The following UBAP2 variants were observed in gnomAD, a reference collection of about 807,000 sequenced individuals.
UBAP2 encodes ubiquitin-associated protein 2.
A neutral mutation model predicts 139.6 loss-of-function variants in UBAP2; 75 were observed. That is an observed-to-expected ratio of 0.54 (90% CI 0.45 to 0.65). The LOEUF is 0.65. Among genes scored for constraint, UBAP2 ranks in the 30% least tolerant of loss-of-function variants. UBAP2 has a pLI of 0.00. For missense variants in UBAP2, 1,368 were observed against 1,369.6 expected, an observed-to-expected ratio of 1.00 and a Z score of 0.02; for synonymous variants, 526 against 526.2, an observed-to-expected ratio of 1.00 and a Z score of 0.01.
intron 1 of UBAP2, among the ~76,000 whole-genome samples, chr9:34,021,196 C>A (rs1299332166): frequency 2.0e-5 from 3 of 152,142 alleles, no homozygotes; most frequent in Admixed American, 2.0e-4. Context: ...CAGAAAAGGT[C>A]TGACAAGCAT....
intron 1 of UBAP2, among the ~76,000 whole-genome samples, chr9:34,028,892 T>C (rs1266662497): frequency 6.6e-6 from 1 of 152,006 alleles, no homozygotes; most frequent in Non-Finnish European, 1.5e-5. Context: ...AATTAGGAAC[T>C]GGGCCGCACA....
intron 8 of UBAP2, among the ~76,000 whole-genome samples, chr9:33,965,595 T>G (rs566472857): frequency 6.6e-6 from 1 of 152,242 alleles, no homozygotes; most frequent in Admixed American, 6.5e-5. Context: ...AAGTGTAACC[T>G]TGGAGGGTAA....
intron 1 of UBAP2, among the ~76,000 whole-genome samples, chr9:34,018,547 G>C (rs762584274): frequency 6.6e-6 from 1 of 152,100 alleles, no homozygotes; most frequent in Admixed American, 6.6e-5. Context: ...GTCTCAAAGA[G>C]ATGCTTGTAC....
chr9:33,982,847 G>A (rs578011659), intron 6 of UBAP2, among the ~76,000 whole-genome samples: 1 of 151,504 alleles, frequency 6.6e-6, no homozygotes, highest in Non-Finnish European at 1.5e-5. Context: ...CCAATTCACT[G>A]GTTATCCCCT....
In UBAP2 at chr9:33,926,982, C is replaced by A. The variant is rs752283903; in HGVS notation, c.2463+7G>T. On this transcript the variant is annotated splice_region_variant and intron_variant, in intron 21 of 28. Coordinates refer to ENST00000379238, the MANE Select transcript of UBAP2 (RefSeq NM_001370062.2). ...TGGGCAGGCCAGGAGTTCCGCCATACACTCACCGGGTAGGCAGGAAGCAGT... is the reference window on the plus strand; with the variant it reads ...TGGGCAGGCCAGGAGTTCCGCCATAAACTCACCGGGTAGGCAGGAAGCAGT... 4 of 1,613,660 alleles carry A rather than the reference C, an allele frequency of 2.5e-6. No individual in the cohort carries two copies. The East Asian group carries it at 8.9e-5, about 36-fold the overall frequency.
chr9:34,013,355 G>T (rs1432818308), intron 2 of UBAP2, among the ~76,000 whole-genome samples: 1 of 151,740 alleles, frequency 6.6e-6, no homozygotes, highest in Non-Finnish European at 1.5e-5. Context: ...TTCAAGACCA[G>T]CCTGACCAAC....
chr9:33,970,162 G>C (rs1223508248), intron 8 of UBAP2, among the ~76,000 whole-genome samples: 3 of 150,976 alleles, frequency 2.0e-5, no homozygotes, highest in African/African-American at 7.3e-5. Flanking sequence ...TCAAACTCCT[G>C]AGCTCAAGCT....
At chr9:33,995,248 T>C (rs1564053279) in intron 4 of UBAP2, 1 of 151,118 alleles carries the variant, frequency 6.6e-6, no homozygotes, top group Non-Finnish European at 1.5e-5. Flanking sequence ...TACTAGCTAC[T>C]TGGGAGGCTG....
chr9:33,975,822 A>C (rs987790010), intron 6 of UBAP2, among the ~76,000 whole-genome samples: 1 of 151,666 alleles, frequency 6.6e-6, no homozygotes, highest in African/African-American at 2.4e-5. Flanking sequence ...AAAAAAAAGT[A>C]AAATGGTACA....
intron 2 of UBAP2, among the ~76,000 whole-genome samples, chr9:34,010,226 C>T (rs954136446): frequency 4.0e-5 from 6 of 148,882 alleles, no homozygotes; most frequent in African/African-American, 1.5e-4. Flanking sequence ...GAGTTTGAGA[C>T]CATCCTGGCC....
chr9:33,941,764 AGT>A lies in UBAP2; in HGVS notation c.1812_1813del (p.Leu605GlufsTer4), dbSNP rs766774560. On this transcript the variant is annotated frameshift_variant, in exon 16 of 29. Coordinates refer to ENST00000379238, the MANE Select transcript of UBAP2 (RefSeq NM_001370062.2). LOFTEE classifies it high-confidence loss of function. ...CATTGCTACTGGACTAGCAGAATTC[AGT>A]GATGAGCTTGTCAGACTGCAGGAGG... The A allele has an allele frequency of 6.2e-7, 1 of 1,614,136 alleles. No individual in the cohort carries two copies. Among genetic ancestry groups the A allele is most frequent in the South Asian group, 1.1e-5 (1 of 91,078 alleles).
Position 33,953,443 on chromosome 9 carries a change from C to G in UBAP2, c.898G>C (p.Val300Leu), listed in dbSNP as rs375705047. Residue 300 changes from valine to leucine, a missense_variant, in exon 12 of 29, where the codon GTT (valine) becomes CTT (leucine). Val to Leu is a conservative substitution (Grantham distance 32, BLOSUM62 1). Coordinates refer to ENST00000379238, the MANE Select transcript of UBAP2 (RefSeq NM_001370062.2). ...GCTTCTGAGGCTTGACTGTGAGGAA[C>G]AGGCTTCTGGAGCAAGGCTACCAGA... ...IDLVALLQKP[V>L]PHSQASEANS... The G allele has an allele frequency of 1.4e-4, 224 of 1,614,094 alleles. 2 individuals carry two copies. The Middle Eastern group carries it at 3.0e-3, about 21-fold the overall frequency.
chr9:34,003,815 G>A (rs1822941540), intron 2 of UBAP2, among the ~76,000 whole-genome samples: 1 of 152,138 alleles, frequency 6.6e-6, no homozygotes, highest in Admixed American at 6.5e-5. Context: ...CACTTCCCAG[G>A]TTGAAGCAAT....
chr9:33,923,308 T>C lies in UBAP2; in HGVS notation c.2897-15A>G. ...GTCGTCATAACCTAGCGTGGCAGGGTACAAGAGGCAAGTGTGAGCCAGGCA... is the reference window on the plus strand; with the variant it reads ...GTCGTCATAACCTAGCGTGGCAGGGCACAAGAGGCAAGTGTGAGCCAGGCA... On this transcript the variant is annotated splice_polypyrimidine_tract_variant and intron_variant, in intron 25 of 28. Coordinates refer to ENST00000379238, the MANE Select transcript of UBAP2 (RefSeq NM_001370062.2). The C allele has an allele frequency of 1.9e-6, 3 of 1,614,092 alleles. No homozygotes were observed. Among genetic ancestry groups the C allele is most frequent in the Non-Finnish European group, 2.5e-6 (3 of 1,179,956 alleles).
chr9:33,923,729 T>C, intron 24 of UBAP2, 66 bp downstream of exon 24: 1 of 1,516,210 alleles, frequency 6.6e-7, no homozygotes, highest in Non-Finnish European at 9.1e-7. Flanking sequence ...GGAAGATAGG[T>C]CCCAGGTTTC....
Position 33,973,279 on chromosome 9 carries a change from G to A in UBAP2, c.521-42C>T, listed in dbSNP as rs546230927. ...AATTATAGTATAAAATAATACTTAT[G>A]TCCTACACAATTACACTTCCTTCTT... is the stretch of plus-strand genomic sequence containing the variant. On this transcript the variant is annotated intron_variant, in intron 6 of 28. Transcript: ENST00000379238. 2.5e-5 allele frequency: 40 copies of A among 1,580,716 alleles called. No individual in the cohort carries two copies. The East Asian group carries it at 5.1e-4, about 20-fold the overall frequency.
chr9:33,943,399 A>G (rs369976592), intron 15 of UBAP2, 21 bp downstream of exon 15: 1 of 1,612,496 alleles, frequency 6.2e-7, no homozygotes, highest in Non-Finnish European at 8.5e-7. Context: ...TTGCTTCATA[A>G]CAAAGGACTA....
At chr9:34,008,832 G>A (rs1040978580) in intron 2 of UBAP2, among the ~76,000 whole-genome samples, 1 of 151,592 alleles carries the variant, frequency 6.6e-6, no homozygotes, top group Non-Finnish European at 1.5e-5. Context: ...GAGCACAGTG[G>A]TGTGCGCCTG....
intron 14 of UBAP2, among the ~76,000 whole-genome samples, chr9:33,943,838 A>C (rs1187281299): frequency 6.6e-6 from 1 of 152,282 alleles, no homozygotes; most frequent in East Asian, 1.9e-4. Context: ...AGGCCAAGAC[A>C]GGAGGATCAT....
Sources: allele counts gnomAD v4.1 joint callset (sites outside exome capture counted in the v4.1 genomes callset), GRCh38; gene constraint gnomAD v4.1.1; transcripts MANE v1.5; gene names NCBI Gene and HGNC (gene_info 2026-07-23, HGNC 2026-07-21).